PTPN2: variants seen among roughly 807,000 people sequenced by gnomAD.
PTPN2 encodes the protein protein tyrosine phosphatase non-receptor type 2.
Under a neutral mutation model 57.3 loss-of-function variants are expected in PTPN2, and 19 were observed. The observed-to-expected ratio is 0.33, with a 90% CI of 0.23 to 0.49. The LOEUF is 0.49. Ranked by LOEUF, PTPN2 falls within the 20% of genes least tolerant of loss-of-function variation. PTPN2 has a pLI of 0.99. For synonymous variants in PTPN2, 153 were observed against 164.9 expected (o/e 0.93, Z 0.55); for missense variants, 358 against 501.1 (o/e 0.71, Z 2.73).
intron 4 of PTPN2, among the ~76,000 whole-genome samples, chr18:12,830,299 A>G (rs2042626259): frequency 6.6e-6 from 1 of 151,968 alleles, no homozygotes; most frequent in African/African-American, 2.4e-5. Flanking sequence ...ACACCTGGCT[A>G]ATTTTGTATT....
chr18:12,830,034 G>A (rs914382100), intron 4 of PTPN2, among the ~76,000 whole-genome samples: 1 of 151,892 alleles, frequency 6.6e-6, no homozygotes, highest in African/African-American at 2.4e-5. Flanking sequence ...TCCAAAATGA[G>A]AGAAATAAAA....
intron 1 of PTPN2, among the ~76,000 whole-genome samples, chr18:12,883,058 T>C (rs1196074130): frequency 6.6e-6 from 1 of 152,194 alleles, no homozygotes; most frequent in African/African-American, 2.4e-5. Context: ...ATACTACATA[T>C]TGCATCTATG....
chr18:12,822,166 C>CAGAATATAAACAGGG (rs768417050), intron 5 of PTPN2, among the ~76,000 whole-genome samples: 84 of 152,108 alleles, frequency 5.5e-4, no homozygotes, highest in Non-Finnish European at 1.1e-3. Context: ...TAAGGACGTG[C>CAGAATATAAACAGGG]AGAGAAGAGA....
chr18:12,849,866 A>G (rs189679446), intron 2 of PTPN2, among the ~76,000 whole-genome samples: 1 of 151,990 alleles, frequency 6.6e-6, no homozygotes, highest in Admixed American at 6.6e-5. Flanking sequence ...AATCTGTTCC[A>G]TTTTTTCTAA....
intron 7 of PTPN2, among the ~76,000 whole-genome samples, chr18:12,808,655 C>T (rs541403786): frequency 6.6e-6 from 1 of 152,252 alleles, no homozygotes; most frequent in South Asian, 2.1e-4. Flanking sequence ...GTGGCACACG[C>T]CTATAGTCCC....
At chr18:12,851,005 G>C (rs1476250410) in intron 2 of PTPN2, among the ~76,000 whole-genome samples, 1 of 152,080 alleles carries the variant, frequency 6.6e-6, no homozygotes, top group African/African-American at 2.4e-5. Context: ...CTCCCAAAGT[G>C]CTGGGATTAC....
Position 12,884,172 on chromosome 18 carries a change from C to A in PTPN2, c.-31G>T, listed in dbSNP as rs1266399798. The A allele has an allele frequency of 1.1e-5, 17 of 1,553,602 alleles. No individual in the cohort carries two copies. The highest frequency in any genetic ancestry group is 2.8e-5 in the African/African-American group (2 of 72,056). On this transcript the variant is annotated 5_prime_UTR_variant, in exon 1 of 9. Transcript: ENST00000309660. ...CGGGAGCGAGCTGGCGCGAGCAGAG[C>A]CTGCGCCGGCGGAGAGGCTCAGGCC...
At chr18:12,866,462 CAAAACAAA>C (rs1008996244) in intron 1 of PTPN2, among the ~76,000 whole-genome samples, 9 of 142,224 alleles carry the variant, frequency 6.3e-5, no homozygotes, top group Non-Finnish European at 1.0e-4. Flanking sequence ...CAAAACAAAA[CAAAACAAA>C]ACAAAACAAA....
At position 12,817,295 on chromosome 18, in the gene PTPN2, G is replaced by T; in HGVS notation, c.566C>A (p.Pro189Gln). Reference sequence around the variant, plus strand: ...AAACAAGAAATTGAGAAATGAAGCTGGTGATTCAGGGACTCCAAAATCTGG... The same window carrying T: ...AAACAAGAAATTGAGAAATGAAGCTTGTGATTCAGGGACTCCAAAATCTGG... ...TWPDFGVPES[P>Q]ASFLNFLFKV... is the part of the protein sequence containing the mutation. Residue 189 changes from proline (P) to glutamine (Q), a missense_variant, in exon 6 of 9, where the codon CCA (proline) becomes CAA (glutamine). By Grantham distance (76) the Pro-to-Gln change is moderately conservative. Around this residue, in one of 4 missense-constraint regions of PTPN2, gnomAD observed 193 missense variants for 315.4 expected, o/e 0.61. Coordinates refer to ENST00000309660, the MANE Select transcript of PTPN2 (RefSeq NM_002828.4). The T allele has an allele frequency of 3.1e-6, 5 of 1,613,994 alleles. No individual in the cohort carries two copies. Among genetic ancestry groups the T allele is most frequent in the African/African-American group, 2.7e-5 (2 of 75,014 alleles).
intron 1 of PTPN2, chr18:12,872,252 G>C (rs1172027589): frequency 6.6e-6 from 1 of 152,082 alleles, no homozygotes; most frequent in Non-Finnish European, 1.5e-5. Flanking sequence ...AGAATTCCTA[G>C]AAGTACTATG....
intron 2 of PTPN2, among the ~76,000 whole-genome samples, chr18:12,847,257 A>T (rs1042159345): frequency 6.6e-6 from 1 of 152,214 alleles, no homozygotes; most frequent in Admixed American, 6.5e-5. Flanking sequence ...CTCTGCGTGA[A>T]TACCTCCAAT....
chr18:12,883,788 C>G, intron 1 of PTPN2: 1 of 301,800 alleles, frequency 3.3e-6, no homozygotes, highest in East Asian at 5.3e-5. Flanking sequence ...CGCATCCACG[C>G]GCTCCCCAAG....
chr18:12,837,177 A>G (rs1171173157), intron 2 of PTPN2, among the ~76,000 whole-genome samples: 1 of 152,204 alleles, frequency 6.6e-6, no homozygotes, highest in African/African-American at 2.4e-5. Flanking sequence ...TTAAATGAAT[A>G]AAGTACTTAC....
intron 2 of PTPN2, chr18:12,840,713 C>G: frequency 6.3e-7 from 1 of 1,598,252 alleles, no homozygotes; most frequent in Non-Finnish European, 8.5e-7. Context: ...TAAGAGATTA[C>G]CTATTTCCTG....
intron 9 of PTPN2, chr18:12,786,291 T>C (rs1426739665): frequency 6.3e-6 from 1 of 157,924 alleles, no homozygotes; most frequent in African/African-American, 2.4e-5. Flanking sequence ...CACTGTGTAA[T>C]ACTGCTAAAA....
At chr18:12,849,672 T>C (rs1471464405) in intron 2 of PTPN2, among the ~76,000 whole-genome samples, 1 of 152,232 alleles carries the variant, frequency 6.6e-6, no homozygotes, top group Non-Finnish European at 1.5e-5. Context: ...CATTGCTATA[T>C]TCAGTTTGCT....
chr18:12,881,672 C>T (rs924956406), intron 1 of PTPN2, among the ~76,000 whole-genome samples: 1 of 152,178 alleles, frequency 6.6e-6, no homozygotes, highest in East Asian at 1.9e-4. Context: ...TTGTCCTCTT[C>T]CCCTGGCCAA....
At chr18:12,868,537 T>G (rs886604926) in intron 1 of PTPN2, among the ~76,000 whole-genome samples, 3 of 152,060 alleles carry the variant, frequency 2.0e-5, no homozygotes, top group African/African-American at 7.2e-5. Context: ...ATTACAGGCG[T>G]GAGCCATCAC....
intron 7 of PTPN2, among the ~76,000 whole-genome samples, chr18:12,802,463 A>G (rs994042645): frequency 1.3e-5 from 2 of 152,198 alleles, no homozygotes; most frequent in African/African-American, 4.8e-5. Flanking sequence ...ACACTCAACT[A>G]TTAGTCACAG....
Sources: allele counts gnomAD v4.1 joint callset (sites outside exome capture counted in the v4.1 genomes callset), GRCh38; gene constraint gnomAD v4.1.1; regional missense constraint gnomAD v4.1.1; transcripts MANE v1.5; gene names NCBI Gene and HGNC (gene_info 2026-07-23, HGNC 2026-07-21).